ARID3A: variants seen among roughly 807,000 people sequenced by gnomAD.
The protein encoded by ARID3A is AT-rich interaction domain 3A, also known as AT-rich interactive domain-containing protein 3A.
A neutral mutation model predicts 52.7 loss-of-function variants in ARID3A; 11 were observed. The observed-to-expected ratio is 0.21, with a 90% CI of 0.13 to 0.35. The LOEUF is 0.35. ARID3A is among the 10% of genes least tolerant of loss of function. The probability of loss-of-function intolerance (pLI) is 1.00; values close to 1 mark genes in which losing one functional copy is unlikely to be tolerated. For missense variants in ARID3A, 721 were observed against 838.5 expected, an observed-to-expected ratio of 0.86 and a Z score of 1.73; for synonymous variants, 404 against 359.4, an observed-to-expected ratio of 1.12 and a Z score of -1.40.
rs750944843 is a variant in ARID3A at position 972,929 on chromosome 19, G to T, written c.*864G>T. 1.5e-5 allele frequency: 3 copies of T among 198,362 alleles called. No homozygotes were observed. Among genetic ancestry groups the T allele is most frequent in the Non-Finnish European group, 3.1e-5 (3 of 96,204 alleles). The allele number at this position is 198,362 out of a possible 1,614,324, so 12.3% of individuals were successfully genotyped here. A position where few individuals can be genotyped will look rare whatever the true frequency, so the allele number is the denominator to read the frequency against. The stretch of plus-strand genomic sequence containing the variant: ...GAGCCCAGCACATCGGATCCCTGGG[G>T]CTAGAGCCGCGGAGCCAATGAACTC... On this transcript the variant is annotated 3_prime_UTR_variant, in exon 9 of 9. Transcript: ENST00000263620.
Position 938,419 on chromosome 19 carries a change from C to T in ARID3A, c.693+5677C>T, listed in dbSNP as rs117484717. ...GCTGCCGTTGAACCTGTTGTGCAGA[C>T]GAGAAACTGAGGCATGGGGTGATCA... On this transcript the variant is annotated intron_variant, in intron 3 of 8. Coordinates refer to ENST00000263620, the MANE Select transcript of ARID3A (RefSeq NM_005224.3). The surrounding 1 kb of genome is among the most constrained non-coding windows in gnomAD (Gnocchi z 4.0). Among the ~76,000 whole-genome samples, 1,816 of 152,210 alleles carry T rather than the reference C, an allele frequency of 0.012. 23 individuals are homozygous for T. Among genetic ancestry groups the T allele is most frequent in the South Asian group, 0.055 (265 of 4,818 alleles).
In ARID3A at chr19:964,982, A is replaced by G; in HGVS notation, c.1100A>G (p.His367Arg). The change falls in exon 6 of 9, where the codon CAC becomes CGC. Residue 367 changes from histidine (H) to arginine (R), a missense_variant. This residue lies in a region of ARID3A where 297 missense variants were observed against 343.2 expected (regional missense o/e 0.87). Coordinates refer to ENST00000263620, the MANE Select transcript of ARID3A (RefSeq NM_005224.3). This position sits in a 1 kb window ranked among gnomAD's most constrained non-coding sequence, Gnocchi z 5.7. ...SLFAYSPGGA[H>R]GMLSSPKLPV... ...TTTGCCTACTCGCCAGGCGGGGCAC[A>G]CGGCATGCTCTCCTCACCCAAGCTA... 2 of 1,613,738 alleles carry G rather than the reference A, an allele frequency of 1.2e-6. No individual in the cohort carries two copies. Among genetic ancestry groups the G allele is most frequent in the South Asian group, 2.2e-5 (2 of 91,078 alleles).
chr19:966,027 G>T (rs1012067568), intron 6 of ARID3A, among the ~76,000 whole-genome samples: 1 of 151,626 alleles, frequency 6.6e-6, no homozygotes, highest in Admixed American at 6.6e-5. Flanking sequence ...TTAGTGTGGT[G>T]GTGGGCGCCT....
chr19:956,481 C>A, intron 3 of ARID3A: 1 of 152,644 alleles, frequency 6.6e-6, no homozygotes, highest in South Asian at 2.0e-4. Context: ...GGGCCGGGGT[C>A]AGAGGACGAG....
intron 4 of ARID3A, among the ~76,000 whole-genome samples, chr19:961,327 CT>C (rs1050705683): frequency 1.2e-4 from 19 of 152,130 alleles, no homozygotes; most frequent in Non-Finnish European, 2.4e-4. Flanking sequence ...TGTGGGCCCC[CT>C]GGCCCACACT....
chr19:930,750 CTG>C (rs2037308771), intron 2 of ARID3A, among the ~76,000 whole-genome samples: 1 of 151,016 alleles, frequency 6.6e-6, no homozygotes, highest in Non-Finnish European at 1.5e-5. Context: ...ACCTCATGAT[CTG>C]CCTGCCTTGG....
In ARID3A at chr19:929,362, G is replaced by GGC. The variant is rs2037266941; in HGVS notation, c.-166_-165dup. The GGC allele has an allele frequency of 3.0e-6, 1 of 336,412 alleles. No homozygotes were observed. The highest frequency in any genetic ancestry group is 4.6e-6 in the Non-Finnish European group (1 of 216,896). 20.8% of individuals were successfully genotyped at this position (336,412 alleles called of 1,614,324 possible). A position where few individuals can be genotyped will look rare whatever the true frequency, so the allele number is the denominator to read the frequency against. Reference sequence around the variant, plus strand: ...CATCAGCCTTCAGCTTGAGCCCGGCGGCCCCCGCCCCCGCCCCCTGCCACC... The same window carrying GGC: ...CATCAGCCTTCAGCTTGAGCCCGGCGGCGCCCCCGCCCCCGCCCCCTGCCACC... On this transcript the variant is annotated 5_prime_UTR_variant, in exon 2 of 9. Coordinates refer to ENST00000263620, the MANE Select transcript of ARID3A (RefSeq NM_005224.3). This position sits in a 1 kb window ranked among gnomAD's most constrained non-coding sequence, Gnocchi z 6.2.
In ARID3A at chr19:929,776, A is replaced by T; in HGVS notation, c.248A>T (p.Asp83Val). Residue 83 changes from aspartate to valine, a missense_variant, in exon 2 of 9, where the codon GAT (aspartate) becomes GTT (valine). This residue lies in a region of ARID3A where 349 missense variants were observed against 297.3 expected (regional missense o/e 1.17). Coordinates refer to ENST00000263620, the MANE Select transcript of ARID3A (RefSeq NM_005224.3). The surrounding 1 kb of genome is among the most constrained non-coding windows in gnomAD (Gnocchi z 6.2). ...GHPASPGGSEDGPPGSEEEDA... is the reference protein window; with the variant it reads ...GHPASPGGSEVGPPGSEEEDA... ...CCAGCCAGCCCCGGCGGCTCTGAGG[A>T]TGGGCCCCCAGGCTCGGAGGAGGAG... 6.4e-7 allele frequency: 1 copy of T among 1,551,898 alleles called. No individual in the cohort carries two copies. Among genetic ancestry groups the T allele is most frequent in the Non-Finnish European group, 8.7e-7 (1 of 1,153,580 alleles).
At chr19:965,878 G>A (rs1368151715) in intron 6 of ARID3A, among the ~76,000 whole-genome samples, 4 of 151,844 alleles carry the variant, frequency 2.6e-5, no homozygotes, top group Non-Finnish European at 5.9e-5. Context: ...TGTAGTCCCA[G>A]CTACTTGGGA....
chr19:926,367 C>T (rs1354724235), intron 1 of ARID3A, among the ~76,000 whole-genome samples: 1 of 151,758 alleles, frequency 6.6e-6, no homozygotes, highest in African/African-American at 2.4e-5. Context: ...GGAGTTTTCT[C>T]TGCACCCCGC....
intron 8 of ARID3A, chr19:968,723 ATAT>A (rs762102678): frequency 8.1e-6 from 4 of 495,916 alleles, no homozygotes; most frequent in Non-Finnish European, 1.5e-5. Context: ...CCACAGATAC[ATAT>A]TCAGTGTGAC....
rs190218914 is a variant in ARID3A at position 937,902 on chromosome 19, G to C, written c.693+5160G>C. Among the ~76,000 whole-genome samples the C allele has an allele frequency of 1.1e-4, 17 of 151,982 alleles. No individual in the cohort carries two copies. In the East Asian group the frequency reaches 3.3e-3, roughly 29 times the overall value. On this transcript the variant is annotated intron_variant, in intron 3 of 8. Coordinates refer to ENST00000263620, the MANE Select transcript of ARID3A (RefSeq NM_005224.3). Reference sequence around the variant, plus strand: ...TTTTGTATTTTTTAGTAGAGATGGGGTTTCACCGTGTTAGCCAGGATGGTC... The same window carrying C: ...TTTTGTATTTTTTAGTAGAGATGGGCTTTCACCGTGTTAGCCAGGATGGTC...
Position 926,040 on chromosome 19 carries a change from C to T in ARID3A, c.-287C>T, listed in dbSNP as rs1404593941. 1.4e-5 allele frequency: 2 copies of T among 142,480 alleles called. No individual in the cohort carries two copies. Among genetic ancestry groups the T allele is most frequent in the Admixed American group, 6.9e-5 (1 of 14,410 alleles). The allele number at this position is 142,480 out of a possible 1,614,324, so 8.8% of individuals were successfully genotyped here. On this transcript the variant is annotated 5_prime_UTR_variant, in exon 1 of 9. Coordinates refer to ENST00000263620, the MANE Select transcript of ARID3A (RefSeq NM_005224.3). Reference sequence around the variant, plus strand: ...CCAATCGGGCGGAGGGGTGTAGACGCGGACGCGGCTGGCGGCTCGGTGAGT... The same window carrying T: ...CCAATCGGGCGGAGGGGTGTAGACGTGGACGCGGCTGGCGGCTCGGTGAGT...
At chr19:939,034 C>CA (rs1178140330) in intron 3 of ARID3A, among the ~76,000 whole-genome samples, 1 of 149,826 alleles carries the variant, frequency 6.7e-6, no homozygotes, top group Non-Finnish European at 1.5e-5. Flanking sequence ...GGGTTCAAGT[C>CA]ATTCTCCTGC....
intron 3 of ARID3A, among the ~76,000 whole-genome samples, chr19:957,150 C>T (rs2037938774): frequency 6.6e-6 from 1 of 152,090 alleles, no homozygotes; most frequent in African/African-American, 2.4e-5. Flanking sequence ...GCTCCTTGTA[C>T]CCCAGACGGA....
intron 4 of ARID3A, among the ~76,000 whole-genome samples, chr19:963,373 T>G (rs1398618398): frequency 1.3e-5 from 2 of 152,170 alleles, no homozygotes; most frequent in African/African-American, 4.8e-5. Context: ...TGTACACAAT[T>G]GATCTCCTAA....
chr19:974,968 G>A lies in ARID3A; in HGVS notation c.*2903G>A, dbSNP rs1229217074. 7 of 232,186 alleles carry A rather than the reference G, an allele frequency of 3.0e-5. No homozygotes were observed. The highest frequency in any genetic ancestry group is 1.3e-4 in the African/African-American group (6 of 45,150). 14.4% of individuals were successfully genotyped at this position (232,186 alleles called of 1,614,324 possible). On this transcript the variant is annotated 3_prime_UTR_variant, in exon 9 of 9. Coordinates refer to ENST00000263620, the MANE Select transcript of ARID3A (RefSeq NM_005224.3). Reference sequence around the variant, plus strand: ...CGTGGAAATGGGAGGCGGTTGCAGAGGGTCTATGGGGCCCGGTCCTGGATA... The same window carrying A: ...CGTGGAAATGGGAGGCGGTTGCAGAAGGTCTATGGGGCCCGGTCCTGGATA...
At chr19:958,427 C>CAA (rs35996712) in intron 3 of ARID3A, among the ~76,000 whole-genome samples, 1 of 85,928 alleles carries the variant, frequency 1.2e-5, no homozygotes, top group African/African-American at 4.4e-5. Flanking sequence ...GACTCCATCT[C>CAA]AAAAAAAAAA....
At chr19:934,963 G>T (rs935867170) in intron 3 of ARID3A, among the ~76,000 whole-genome samples, 1 of 152,092 alleles carries the variant, frequency 6.6e-6, no homozygotes, top group Non-Finnish European at 1.5e-5. Context: ...CGATGCCGCC[G>T]CCCGCCCAGC....
Sources: allele counts gnomAD v4.1 joint callset (sites outside exome capture counted in the v4.1 genomes callset), GRCh38; gene constraint gnomAD v4.1.1; regional missense constraint gnomAD v4.1.1; non-coding constraint Gnocchi (gnomAD v3.1); transcripts MANE v1.5; gene names NCBI Gene and HGNC (gene_info 2026-07-23, HGNC 2026-07-21).